ZZEF1: variants seen among roughly 807,000 people sequenced by gnomAD.
The protein encoded by ZZEF1 is zinc finger ZZ-type and EF-hand domain-containing protein 1.
Under a neutral mutation model 342.8 loss-of-function variants are expected in ZZEF1, and 157 were observed. The observed-to-expected ratio is 0.46, with a 90% confidence interval of 0.40 to 0.52. The LOEUF (loss-of-function observed/expected upper bound fraction) is 0.52, where lower values mean the gene tolerates loss of function less well. Ranked by LOEUF, ZZEF1 falls within the 20% of genes least tolerant of loss-of-function variation. The pLI, the probability that ZZEF1 is intolerant of heterozygous loss-of-function variation, is 0.00. For missense variants in ZZEF1, 3,480 were observed against 3,725.6 expected, an observed-to-expected ratio of 0.93 and a Z score of 1.72; for synonymous variants, 1,505 against 1,429.1, an observed-to-expected ratio of 1.05 and a Z score of -1.20.
At position 4,016,737 on chromosome 17, in the gene ZZEF1, G is replaced by A; in HGVS notation, c.8002-271C>T. On this transcript the variant is annotated intron_variant, in intron 48 of 54. Coordinates refer to ENST00000381638, the MANE Select transcript of ZZEF1 (RefSeq NM_015113.4). This position sits in a 1 kb window ranked among gnomAD's most constrained non-coding sequence, Gnocchi z 4.4. ...ACTGAACCAATCATAAAGGGTCCTGGTCCTTGAAGGAGTCCCCAGCCAAGC... is the reference window on the plus strand; with the variant it reads ...ACTGAACCAATCATAAAGGGTCCTGATCCTTGAAGGAGTCCCCAGCCAAGC... The A allele has an allele frequency of 2.7e-6, 1 of 365,910 alleles. No homozygotes were observed. 22.7% of individuals were successfully genotyped at this position (365,910 alleles called of 1,614,324 possible).
Position 4,066,434 on chromosome 17 carries a change from T to TTA in ZZEF1, c.4249+11_4249+12dup. 1 of 1,613,756 alleles carries TTA rather than the reference T, an allele frequency of 6.2e-7. No homozygotes were observed. ...GAAGGCTCAGGGACAACAGCTGGTG[T>TTA]TAGCACACTCACCCAGGCTCTCAGG... On this transcript the variant is annotated intron_variant, in intron 28 of 54. Transcript: ENST00000381638.
At position 4,064,666 on chromosome 17, in the gene ZZEF1, T is replaced by C; in HGVS notation, c.4413A>G (p.Gln1471=). ...RTSSVVEEHF[Q]ASVSPTEAAP... ...CGGCTTCAGTGGGAGATACTGAGGC[T>C]TGGAAATGCTCTTCCACCACAGAGC... is the stretch of plus-strand genomic sequence containing the variant. The change falls in exon 29 of 55, where the codon CAA becomes CAG. Residue 1471 remains glutamine (Q), a synonymous_variant. Transcript: ENST00000381638. 6.2e-7 allele frequency: 1 copy of C among 1,614,170 alleles called. No homozygotes were observed. Among genetic ancestry groups the C allele is most frequent in the Non-Finnish European group, 8.5e-7 (1 of 1,180,032 alleles).
In ZZEF1 at chr17:4,105,678, C is replaced by T. The variant is rs367661636; in HGVS notation, c.1394+15G>A. 72 of 1,582,484 alleles carry T rather than the reference C, an allele frequency of 4.5e-5. No homozygotes were observed. In the African/African-American group the frequency reaches 5.5e-4, roughly 12 times the overall value. Reference sequence around the variant, plus strand: ...CATTCCTCACAGAGTTTACCCTCATCAGCCTTGATTTTACCTAGTTATCCT... The same window carrying T: ...CATTCCTCACAGAGTTTACCCTCATTAGCCTTGATTTTACCTAGTTATCCT... On this transcript the variant is annotated intron_variant, in intron 7 of 54. Coordinates refer to ENST00000381638, the MANE Select transcript of ZZEF1 (RefSeq NM_015113.4).
chr17:4,107,500 C>G (rs2058231458), intron 6 of ZZEF1, among the ~76,000 whole-genome samples: 1 of 151,886 alleles, frequency 6.6e-6, no homozygotes, highest in Non-Finnish European at 1.5e-5. Flanking sequence ...AATGCAGGCA[C>G]CAAGTGAGGC....
intron 29 of ZZEF1, among the ~76,000 whole-genome samples, chr17:4,064,065 G>A (rs8066146): frequency 0.19 from 24,331 of 126,214 alleles, 2,203 homozygotes; most frequent in African/African-American, 0.31. Context: ...GTAGATGGAG[G>A]GGGGGGGGTC....
chr17:4,051,179 G>C, intron 35 of ZZEF1, 136 bp from the exon 36 acceptor site: 1 of 1,134,110 alleles, frequency 8.8e-7, no homozygotes, highest in Non-Finnish European at 1.3e-6. Flanking sequence ...TACTGAAAAT[G>C]TAAAGAAAGG....
At chr17:4,038,951 A>G (rs1369534340) in intron 39 of ZZEF1, among the ~76,000 whole-genome samples, 1 of 152,208 alleles carries the variant, frequency 6.6e-6, no homozygotes, top group Non-Finnish European at 1.5e-5. Context: ...ACTGGGTTGT[A>G]AGAGTTCTTT....
intron 24 of ZZEF1, 118 bp from the exon 25 acceptor site, chr17:4,072,874 T>A: frequency 9.8e-7 from 1 of 1,016,330 alleles, no homozygotes; most frequent in South Asian, 1.8e-5. Flanking sequence ...TTAGAGAAAG[T>A]TTACCCACAT....
chr17:4,097,131 G>C (rs2058048785), intron 9 of ZZEF1, among the ~76,000 whole-genome samples: 2 of 151,720 alleles, frequency 1.3e-5, no homozygotes, highest in Admixed American at 6.6e-5. Context: ...TGTGGTGGCG[G>C]GCGCCTGTAG....
At chr17:4,118,602 T>C (rs901535357) in intron 2 of ZZEF1, among the ~76,000 whole-genome samples, 5 of 152,138 alleles carry the variant, frequency 3.3e-5, no homozygotes, top group Non-Finnish European at 7.4e-5. Context: ...CTCTCAAAAC[T>C]GGCAGCCTTT....
intron 42 of ZZEF1, among the ~76,000 whole-genome samples, chr17:4,026,150 G>A (rs1293806582): frequency 6.6e-6 from 1 of 152,178 alleles, no homozygotes; most frequent in Non-Finnish European, 1.5e-5. Flanking sequence ...ACTATCTGGG[G>A]CAGAAGAAAG....
At chr17:4,112,070 A>ATG (rs1567851593) in intron 5 of ZZEF1, among the ~76,000 whole-genome samples, 19 of 47,828 alleles carry the variant, frequency 4.0e-4, no homozygotes, top group African/African-American at 2.1e-3. Flanking sequence ...ATATATATAT[A>ATG]TATATATATA....
intron 52 of ZZEF1, among the ~76,000 whole-genome samples, chr17:4,011,978 G>A (rs528610502): frequency 1.1e-4 from 17 of 152,342 alleles, no homozygotes; most frequent in Middle Eastern, 6.8e-3. Context: ...TGAGGAGCAC[G>A]CATGAAAGAG....
intron 7 of ZZEF1, among the ~76,000 whole-genome samples, chr17:4,105,075 T>C (rs566963926): frequency 3.9e-5 from 6 of 152,384 alleles, no homozygotes; most frequent in African/African-American, 1.4e-4. Flanking sequence ...AATAAGCCTC[T>C]GCTATTAAGA....
In ZZEF1 at chr17:4,008,847, G is replaced by T. The variant is rs1488790482; in HGVS notation, c.8805+36C>A. 1.2e-5 allele frequency: 19 copies of T among 1,542,158 alleles called. No homozygotes were observed. The highest frequency in any genetic ancestry group is 1.7e-5 in the Non-Finnish European group (19 of 1,146,480). On this transcript the variant is annotated intron_variant, in intron 54 of 54. Coordinates refer to ENST00000381638, the MANE Select transcript of ZZEF1 (RefSeq NM_015113.4). The surrounding 1 kb of genome is among the most constrained non-coding windows in gnomAD (Gnocchi z 4.2). ...GCAATGGTGAGATGGTGGCGCCCCA[G>T]CCTGGGGGCCAGCTCTGTTGGGGTG... is the stretch of plus-strand genomic sequence containing the variant.
At chr17:4,076,133 C>CTTTTTTTTTTTT (rs1282944894) in intron 21 of ZZEF1, 3 of 104,862 alleles carry the variant, frequency 2.9e-5, no homozygotes, top group Admixed American at 1.7e-4. Context: ...TCTGCGTCTC[C>CTTTTTTTTTTTT]TTTCTTTTTT....
chr17:4,070,942 AC>A lies in ZZEF1; in HGVS notation c.3835-19del, dbSNP rs1268655624. ...TTCTTAACCTGGAAACAAAAAATAA[AC>A]CCATCACATTTAACACATTCATTCA... On this transcript the variant is annotated intron_variant, in intron 25 of 54. Coordinates refer to ENST00000381638, the MANE Select transcript of ZZEF1 (RefSeq NM_015113.4). The A allele has an allele frequency of 6.2e-7, 1 of 1,605,996 alleles. No individual in the cohort carries two copies. Among genetic ancestry groups the A allele is most frequent in the East Asian group, 2.2e-5 (1 of 44,790 alleles).
chr17:4,075,856 T>A (rs937464256), intron 21 of ZZEF1: 4 of 158,270 alleles, frequency 2.5e-5, no homozygotes, highest in African/African-American at 9.6e-5. Context: ...TTTGGTTTTT[T>A]ACCTGTTAAA....
chr17:4,109,907 T>A, intron 5 of ZZEF1, 44 bp from the exon 6 acceptor site: 1 of 1,602,520 alleles, frequency 6.2e-7, no homozygotes, highest in Non-Finnish European at 8.5e-7. Flanking sequence ...TTAACTTCTT[T>A]AGGCAAATGC....
Sources: gnomAD v4.1 joint callset for allele counts (sites outside exome capture counted in the v4.1 genomes callset) on GRCh38, gnomAD v4.1.1 for gene constraint, Gnocchi (gnomAD v3.1) non-coding constraint, MANE v1.5 for transcripts, NCBI Gene and HGNC (gene_info 2026-07-23, HGNC 2026-07-21) for gene names.